The following FAM13A variants were observed in gnomAD, a reference collection of about 807,000 sequenced individuals.
The protein encoded by FAM13A is protein FAM13A.
Under a neutral mutation model 129.6 loss-of-function variants are expected in FAM13A, and 76 were observed. That is an observed-to-expected ratio of 0.59 (90% CI 0.49 to 0.71). The LOEUF (loss-of-function observed/expected upper bound fraction) is 0.71, where lower values mean the gene tolerates loss of function less well. Ranked by LOEUF, FAM13A falls within the 30% of genes least tolerant of loss-of-function variation. The pLI is 0.00. For missense variants in FAM13A, 1,108 were observed against 1,249.3 expected, an observed-to-expected ratio of 0.89 and a Z score of 1.70; for synonymous variants, 443 against 449.9, an observed-to-expected ratio of 0.98 and a Z score of 0.20.
intron 6 of FAM13A, among the ~76,000 whole-genome samples, chr4:88,855,023 T>C (rs1167121053): frequency 1.3e-5 from 2 of 152,152 alleles, no homozygotes; most frequent in Non-Finnish European, 1.5e-5. Flanking sequence ...ATTTGAAAGA[T>C]GAGGAAACTG....
chr4:89,000,704 A>G (rs1238511695), intron 3 of FAM13A, among the ~76,000 whole-genome samples: 1 of 152,362 alleles, frequency 6.6e-6, no homozygotes, highest in East Asian at 1.9e-4. Context: ...TAAAGCTGTT[A>G]TAAAGAAATT....
At chr4:88,899,109 CAT>C (rs1338808878) in intron 6 of FAM13A, among the ~76,000 whole-genome samples, 2 of 144,384 alleles carry the variant, frequency 1.4e-5, no homozygotes, top group Non-Finnish European at 3.1e-5. Context: ...TACACACACA[CAT>C]ACATATATAT....
intron 3 of FAM13A, among the ~76,000 whole-genome samples, chr4:88,997,582 C>T (rs1763726884): frequency 1.3e-5 from 2 of 149,260 alleles, no homozygotes; most frequent in Admixed American, 1.3e-4. Context: ...TAATTATAAT[C>T]AGCAATGCTA....
intron 7 of FAM13A, among the ~76,000 whole-genome samples, chr4:88,830,308 C>G (rs1449497266): frequency 6.6e-6 from 1 of 152,060 alleles, no homozygotes; most frequent in Non-Finnish European, 1.5e-5. Context: ...TAAGGAAGCT[C>G]AAGTATTTCT....
chr4:88,767,298 T>C (rs1202964184), intron 13 of FAM13A, among the ~76,000 whole-genome samples: 1 of 152,228 alleles, frequency 6.6e-6, no homozygotes, highest in African/African-American at 2.4e-5. Context: ...TTTTACTTTA[T>C]AGAAAATCTA....
At chr4:88,773,294 T>C (rs1721048553) in intron 11 of FAM13A, among the ~76,000 whole-genome samples, 1 of 151,678 alleles carries the variant, frequency 6.6e-6, no homozygotes, top group South Asian at 2.1e-4. Flanking sequence ...TTCTTCCCCC[T>C]TGTAGGGCAA....
chr4:88,874,850 C>A (rs949668011), intron 6 of FAM13A, among the ~76,000 whole-genome samples: 1 of 151,912 alleles, frequency 6.6e-6, no homozygotes, highest in South Asian at 2.1e-4. Flanking sequence ...CTAAGCAAAA[C>A]GAACAAAGCT....
At chr4:88,760,809 C>T (rs1744671306) in intron 13 of FAM13A, among the ~76,000 whole-genome samples, 2 of 151,586 alleles carry the variant, frequency 1.3e-5, no homozygotes, top group Admixed American at 1.3e-4. Flanking sequence ...TACAAAGCCA[C>T]TCAGTTACCA....
At chr4:88,842,122 T>A (rs977565866) in intron 7 of FAM13A, among the ~76,000 whole-genome samples, 1 of 152,188 alleles carries the variant, frequency 6.6e-6, no homozygotes, top group Non-Finnish European at 1.5e-5. Context: ...GGATGAGCCT[T>A]CAAAACATAT....
intron 4 of FAM13A, among the ~76,000 whole-genome samples, chr4:88,948,396 AG>A (rs1756309641): frequency 6.6e-6 from 1 of 152,190 alleles, no homozygotes; most frequent in Admixed American, 6.5e-5. Flanking sequence ...CTATGGGGTC[AG>A]AAAACAGTCA....
At chr4:88,956,953 G>C (rs1007423053) in intron 4 of FAM13A, among the ~76,000 whole-genome samples, 1 of 152,228 alleles carries the variant, frequency 6.6e-6, no homozygotes, top group African/African-American at 2.4e-5. Context: ...CATGAGAACA[G>C]TTCCCTCTTG....
chr4:89,037,415 T>C (rs1769527342), intron 1 of FAM13A, among the ~76,000 whole-genome samples: 1 of 152,220 alleles, frequency 6.6e-6, no homozygotes, highest in Admixed American at 6.5e-5. Flanking sequence ...TTGAAATGGA[T>C]GTATTTACCT....
intron 2 of FAM13A, among the ~76,000 whole-genome samples, chr4:89,024,924 T>C (rs1444767349): frequency 2.0e-5 from 3 of 152,230 alleles, no homozygotes; most frequent in Non-Finnish European, 4.4e-5. Flanking sequence ...ATTCCACTAG[T>C]GATTCTATTT....
At chr4:89,012,630 C>A (rs900781649) in intron 3 of FAM13A, among the ~76,000 whole-genome samples, 46 of 152,118 alleles carry the variant, frequency 3.0e-4, no homozygotes, top group African/African-American at 1.1e-3. Flanking sequence ...AGTTTTCTCC[C>A]ATGGAGGGCC....
At chr4:88,926,335 G>A (rs1752156816) in intron 5 of FAM13A, among the ~76,000 whole-genome samples, 1 of 152,094 alleles carries the variant, frequency 6.6e-6, no homozygotes, top group African/African-American at 2.4e-5. Context: ...CAGTTTTATA[G>A]AAAACATAAG....
At chr4:88,918,291 A>C (rs1750423510) in intron 5 of FAM13A, among the ~76,000 whole-genome samples, 1 of 152,250 alleles carries the variant, frequency 6.6e-6, no homozygotes, top group African/African-American at 2.4e-5. Flanking sequence ...ATAGTAGTTA[A>C]CTATGTGCAC....
chr4:89,047,079 G>GAATTT (rs1770951779), intron 1 of FAM13A, among the ~76,000 whole-genome samples: 1 of 152,128 alleles, frequency 6.6e-6, no homozygotes, highest in Non-Finnish European at 1.5e-5. Flanking sequence ...GAACACAGGG[G>GAATTT]AAGGGCAAGT....
intron 5 of FAM13A, among the ~76,000 whole-genome samples, chr4:88,913,838 C>A (rs1011335734): frequency 2.6e-5 from 4 of 152,090 alleles, no homozygotes; most frequent in Non-Finnish European, 4.4e-5. Flanking sequence ...TTCTCCTGAG[C>A]TCATATTACT....
At chr4:88,988,109 C>T (rs946301648) in intron 4 of FAM13A, among the ~76,000 whole-genome samples, 1 of 152,076 alleles carries the variant, frequency 6.6e-6, no homozygotes, top group Admixed American at 6.5e-5. Context: ...CAAACTTGCA[C>T]ATCCTGCACA....
Sources: gnomAD v4.1 joint callset for allele counts (sites outside exome capture counted in the v4.1 genomes callset) on GRCh38, gnomAD v4.1.1 for gene constraint, MANE v1.5 for transcripts, NCBI Gene and HGNC (gene_info 2026-07-23, HGNC 2026-07-21) for gene names.